ATP7B: variants seen among roughly 807,000 people sequenced by gnomAD.
ATP7B encodes the protein copper-transporting ATPase 2.
ATP7B carries 113 observed loss-of-function variants against 118.9 expected under a neutral mutation model. That is an observed-to-expected ratio of 0.95 (90% CI 0.82 to 1.11). ATP7B has a LOEUF of 1.11. Ranked by LOEUF, ATP7B falls within the 50% of genes most tolerant of loss-of-function variation. ATP7B has a pLI of 0.00. For missense variants in ATP7B, 1,867 were observed against 1,871.4 expected, an observed-to-expected ratio of 1.00 and a Z score of 0.04; for synonymous variants, 777 against 727.4, an observed-to-expected ratio of 1.07 and a Z score of -1.10.
chr13:51,975,732 C>CA (rs1227350831), intron 1 of ATP7B, among the ~76,000 whole-genome samples: 1 of 152,232 alleles, frequency 6.6e-6, no homozygotes, highest in Non-Finnish European at 1.5e-5. Context: ...GTACACGCTC[C>CA]AAATGCAGAC....
At chr13:51,942,020 T>C (rs1446619617) in intron 15 of ATP7B, among the ~76,000 whole-genome samples, 1 of 152,214 alleles carries the variant, frequency 6.6e-6, no homozygotes, top group African/African-American at 2.4e-5. Context: ...TGACTTTTTC[T>C]GCCTGCTTTG....
chr13:51,966,315 G>A (rs1462348036), intron 4 of ATP7B, among the ~76,000 whole-genome samples: 2 of 152,182 alleles, frequency 1.3e-5, no homozygotes, highest in African/African-American at 4.8e-5. Flanking sequence ...CAGATGGGCT[G>A]GCTCCAGAAT....
At chr13:51,964,321 A>T (rs1440217547) in intron 5 of ATP7B, among the ~76,000 whole-genome samples, 1 of 152,206 alleles carries the variant, frequency 6.6e-6, no homozygotes, top group Non-Finnish European at 1.5e-5. Flanking sequence ...ATTCTCTTAT[A>T]GCCTAGTATT....
chr13:51,948,795 A>G (rs925696666), intron 12 of ATP7B, among the ~76,000 whole-genome samples: 2 of 152,140 alleles, frequency 1.3e-5, no homozygotes, highest in Admixed American at 1.3e-4. Context: ...CATATTTCCT[A>G]AGATAGTGTT....
chr13:51,989,382 C>T (rs770193544), intron 1 of ATP7B, among the ~76,000 whole-genome samples: 3 of 152,138 alleles, frequency 2.0e-5, no homozygotes, highest in Non-Finnish European at 4.4e-5. Context: ...TGCATTAACC[C>T]AATCTCTGCC....
At chr13:51,944,085 A>G in intron 14 of ATP7B, 24 bp downstream of exon 14, 1 of 1,613,824 alleles carries the variant, frequency 6.2e-7, no homozygotes, top group Non-Finnish European at 8.5e-7. Flanking sequence ...CGGGGAGGGC[A>G]GGGCCACGCC....
chr13:51,986,865 A>T (rs1952673607), intron 1 of ATP7B, among the ~76,000 whole-genome samples: 1 of 152,188 alleles, frequency 6.6e-6, no homozygotes, highest in Admixed American at 6.5e-5. Flanking sequence ...AAAAAATTCA[A>T]CACCCCTTCA....
chr13:51,992,367 G>A (rs1030471759), intron 1 of ATP7B, among the ~76,000 whole-genome samples: 1 of 152,104 alleles, frequency 6.6e-6, no homozygotes, highest in Non-Finnish European at 1.5e-5. Context: ...GTCATCAGAC[G>A]GACCTGGGAT....
chr13:51,937,254 A>G, intron 19 of ATP7B, 22 bp downstream of exon 19: 1 of 1,604,926 alleles, frequency 6.2e-7, no homozygotes, highest in Non-Finnish European at 8.5e-7. Context: ...CAGCTGGAGC[A>G]CAGTGGGTAA....
chr13:51,942,415 T>C lies in ATP7B; in HGVS notation c.3383A>G (p.Asn1128Ser). Residue 1128 changes from asparagine (N) to serine (S), a missense_variant, in exon 15 of 21, where the codon AAT becomes AGT. Transcript: ENST00000242839. ...RPLSAPASHL[N>S]EAGSLPAEKD... Reference sequence around the variant, plus strand: ...TTCTGCGGGAAGGCTGCCAGCCTCATTCAGGTGACTGGCCGGTGCACTCAA... The same window carrying C: ...TTCTGCGGGAAGGCTGCCAGCCTCACTCAGGTGACTGGCCGGTGCACTCAA... 6.2e-7 allele frequency: 1 copy of C among 1,614,212 alleles called. No homozygotes were observed. The highest frequency in any genetic ancestry group is 8.5e-7 in the Non-Finnish European group (1 of 1,180,038).
At chr13:51,961,273 C>A (rs1206801589) in intron 6 of ATP7B, among the ~76,000 whole-genome samples, 1 of 151,740 alleles carries the variant, frequency 6.6e-6, no homozygotes, top group Non-Finnish European at 1.5e-5. Flanking sequence ...AGTATTTATC[C>A]CCAGCACCTA....
At chr13:51,963,612 T>G (rs1361217037) in intron 5 of ATP7B, among the ~76,000 whole-genome samples, 1 of 151,732 alleles carries the variant, frequency 6.6e-6, no homozygotes, top group Non-Finnish European at 1.5e-5. Context: ...GGCAGGTGCC[T>G]GTAATCCCAA....
chr13:52,004,860 C>T (rs1953693261), intron 1 of ATP7B, among the ~76,000 whole-genome samples: 2 of 152,148 alleles, frequency 1.3e-5, no homozygotes, highest in Non-Finnish European at 2.9e-5. Context: ...AAGACATCCT[C>T]GGAAATCTAG....
At position 51,943,798 on chromosome 13, in the gene ATP7B, A is replaced by C. The variant is rs537517996; in HGVS notation, c.3243+311T>G. On this transcript the variant is annotated intron_variant, in intron 14 of 20. Transcript: ENST00000242839. ...CACTGTCAAAGCACTGAGTTTCCAG[A>C]CTGCCCGTACTCCCCAAGACCGTGA... is the stretch of plus-strand genomic sequence containing the variant. Among the ~76,000 whole-genome samples, 94 of 152,092 alleles carry C rather than the reference A, an allele frequency of 6.2e-4. 1 individual carries two copies. The South Asian group carries it at 0.019, about 31-fold the overall frequency.
At chr13:51,967,059 A>G (rs1000746524) in intron 4 of ATP7B, 1 of 1,606,544 alleles carries the variant, frequency 6.2e-7, no homozygotes, top group African/African-American at 1.3e-5. Context: ...AGGAAAGCAC[A>G]ATAACAAGAA....
At chr13:51,935,301 T>C (rs974032259) in intron 20 of ATP7B, among the ~76,000 whole-genome samples, 1 of 152,110 alleles carries the variant, frequency 6.6e-6, no homozygotes, top group African/African-American at 2.4e-5. Flanking sequence ...CTTTTTTAAA[T>C]AAAAAAGTGA....
At chr13:51,957,422 G>T in intron 9 of ATP7B, 94 bp downstream of exon 9, 1 of 1,262,768 alleles carries the variant, frequency 7.9e-7, no homozygotes, top group Non-Finnish European at 1.2e-6. Flanking sequence ...CACTCACAAG[G>T]TCTATTGCAA....
intron 7 of ATP7B, 108 bp downstream of exon 7, chr13:51,960,040 G>C: frequency 7.1e-7 from 1 of 1,406,386 alleles, no homozygotes. Context: ...CTGCAATAAA[G>C]TGCCATTTAA....
At chr13:51,977,177 T>A (rs564058525) in intron 1 of ATP7B, among the ~76,000 whole-genome samples, 13 of 151,886 alleles carry the variant, frequency 8.6e-5, no homozygotes, top group African/African-American at 2.7e-4. Context: ...ACAATAATAA[T>A]AATTTATTAA....
Sources: gnomAD v4.1 joint callset for allele counts (sites outside exome capture counted in the v4.1 genomes callset) on GRCh38, gnomAD v4.1.1 for gene constraint, MANE v1.5 for transcripts, NCBI Gene and HGNC (gene_info 2026-07-23, HGNC 2026-07-21) for gene names.